KIDINS220: variants seen among roughly 807,000 people sequenced by gnomAD.
KIDINS220 encodes kinase D-interacting substrate of 220 kDa.
KIDINS220 carries 63 observed loss-of-function variants against 157.6 expected under a neutral mutation model. That is an observed-to-expected ratio of 0.40 (90% CI 0.33 to 0.49). The LOEUF is 0.49. Among genes scored for constraint, KIDINS220 ranks in the 20% least tolerant of loss-of-function variants. The pLI is 0.66. For missense variants in KIDINS220, 1,772 were observed against 2,171.2 expected, an observed-to-expected ratio of 0.82 and a Z score of 3.65; for synonymous variants, 732 against 783.6, an observed-to-expected ratio of 0.93 and a Z score of 1.10.
Position 8,789,955 on chromosome 2 carries a change from A to G in KIDINS220, c.1546T>C (p.Phe516Leu). 6.2e-7 allele frequency: 1 copy of G among 1,614,054 alleles called. No individual in the cohort carries two copies. The highest frequency in any genetic ancestry group is 1.3e-5 in the African/African-American group (1 of 75,048). Residue 516 changes from phenylalanine to leucine, a missense_variant, in exon 14 of 30, where the codon TTT (phenylalanine) becomes CTT (leucine). By Grantham distance (22) the Phe-to-Leu change is conservative. Transcript: ENST00000256707. ...LLLCGGLGLL[F>L]AFTVHPNLGI... ...AGATTTGGGTGGACCGTGAAGGCAA[A>G]CAATAAACCAAGCCCTCCACAAAGT...
intron 1 of KIDINS220, among the ~76,000 whole-genome samples, chr2:8,836,858 A>T (rs544117162): frequency 2.6e-5 from 4 of 152,220 alleles, no homozygotes; most frequent in Non-Finnish European, 5.9e-5. Flanking sequence ...TCATAAAAAA[A>T]TTTTTCATCG....
rs1165975662 is a variant in KIDINS220, at chr2:8,818,754, T to C, written c.148A>G (p.Asn50Asp). The C allele has an allele frequency of 1.2e-6, 2 of 1,610,844 alleles. No individual in the cohort carries two copies. Among genetic ancestry groups the C allele is most frequent in the Non-Finnish European group, 1.7e-6 (2 of 1,177,966 alleles). Reference sequence around the variant, plus strand: ...ATTAATTCCTTCACTATTTCCAGATTGCCTTGTTCGGCAGCTATCATCAGT... The same window carrying C: ...ATTAATTCCTTCACTATTTCCAGATCGCCTTGTTCGGCAGCTATCATCAGT... ...TPLMIAAEQG[N>D]LEIVKELIKN... The change falls in exon 3 of 30, where the codon AAT becomes GAT. Residue 50 changes from asparagine (N) to aspartate (D), a missense_variant. Asn to Asp is a conservative substitution (Grantham distance 23, BLOSUM62 1). Around this residue, in one of 3 missense-constraint regions of KIDINS220, gnomAD observed 254 missense variants for 268.6 expected, o/e 0.95. Transcript: ENST00000256707.
chr2:8,834,917 C>A (rs1337971090), intron 1 of KIDINS220, among the ~76,000 whole-genome samples: 2 of 152,334 alleles, frequency 1.3e-5, no homozygotes, highest in East Asian at 3.9e-4. Flanking sequence ...TCATAGCTCA[C>A]TGCAGACTCA....
rs766384156 is a variant in KIDINS220 at position 8,779,654 on chromosome 2, T to C, written c.2370+20A>G. The C allele has an allele frequency of 1.1e-5, 18 of 1,604,762 alleles. No individual in the cohort carries two copies. The South Asian group carries it at 1.3e-4, about 12-fold the overall frequency. On this transcript the variant is annotated intron_variant, in intron 18 of 29. Transcript: ENST00000256707. ...TGCCACAACATAACAATGGTGGCTT[T>C]TGAGGTGGCGCAAACGTACAGTGTC...
At chr2:8,724,642 T>G (rs1206779770), downstream of KIDINS220, 1 of 152,184 alleles carries the variant, frequency 6.6e-6, no homozygotes, top group Admixed American at 6.5e-5. The surrounding 1 kb of genome is among the most constrained non-coding windows in gnomAD (Gnocchi z 4.6). Flanking sequence ...TATTTATTTA[T>G]TTGAGACAGG....
chr2:8,825,711 T>A (rs965486796), intron 2 of KIDINS220: 22 of 152,338 alleles, frequency 1.4e-4, no homozygotes, highest in Admixed American at 1.3e-3. Context: ...TTCCTTAAGT[T>A]TTGTAAAACA....
chr2:8,820,166 C>T (rs892173303), intron 2 of KIDINS220, among the ~76,000 whole-genome samples: 2 of 152,160 alleles, frequency 1.3e-5, no homozygotes, highest in Non-Finnish European at 2.9e-5. Context: ...GTCTGTGCCA[C>T]CCCCGGCCTC....
chr2:8,800,273 G>A lies in KIDINS220; in HGVS notation c.900+127C>T, dbSNP rs73916009. ...GCAGTGAAACTTAGTAATAATATACGTCTGTTAAATGTACTAGGGTTTACA... is the reference window on the plus strand; with the variant it reads ...GCAGTGAAACTTAGTAATAATATACATCTGTTAAATGTACTAGGGTTTACA... On this transcript the variant is annotated intron_variant, in intron 9 of 29. Coordinates refer to ENST00000256707, the MANE Select transcript of KIDINS220 (RefSeq NM_020738.4). 6.2e-3 allele frequency: 3,391 copies of A among 544,644 alleles called. 83 individuals carry two copies. The highest frequency in any genetic ancestry group is 0.055 in the African/African-American group (2,904 of 52,878). 33.7% of individuals were successfully genotyped at this position (544,644 alleles called of 1,614,324 possible). A position where few individuals can be genotyped will look rare whatever the true frequency, so the allele number is the denominator to read the frequency against.
chr2:8,827,245 G>A (rs1468549833), intron 1 of KIDINS220, 116 bp from the exon 2 acceptor site: 1 of 502,558 alleles, frequency 2.0e-6, no homozygotes, highest in Non-Finnish European at 3.6e-6. Context: ...TGGCAGAAGT[G>A]AAGATACGAC....
At chr2:8,727,066 T>C (rs1167087063), downstream of KIDINS220, 4 of 970,042 alleles carry the variant, frequency 4.1e-6, no homozygotes, top group Non-Finnish European at 5.5e-6. Context: ...GGCTGTTGTC[T>C]ATACGTTTCT....
chr2:8,760,476 G>T (rs1668604465), intron 22 of KIDINS220, among the ~76,000 whole-genome samples: 1 of 152,106 alleles, frequency 6.6e-6, no homozygotes, highest in South Asian at 2.1e-4. Flanking sequence ...AGATACTATT[G>T]GTGATTCACC....
chr2:8,778,729 T>A lies in KIDINS220; in HGVS notation c.2615-2A>T, dbSNP rs749977611. On this transcript the variant is annotated splice_acceptor_variant, in intron 19 of 29. Transcript: ENST00000256707. LOFTEE classifies it high-confidence loss of function. ...TTCTGTCAGCATCTTCCTGTATCCC[T>A]TAAATAATTTATCAAGACAGCATCA... The A allele has an allele frequency of 1.2e-6, 2 of 1,612,852 alleles. No individual in the cohort carries two copies. The highest frequency in any genetic ancestry group is 8.5e-7 in the Non-Finnish European group (1 of 1,178,830).
At chr2:8,836,292 G>A in intron 1 of KIDINS220, among the ~76,000 whole-genome samples, 1 of 152,116 alleles carries the variant, frequency 6.6e-6, no homozygotes, top group Non-Finnish European at 1.5e-5. Flanking sequence ...GGCGAATGGG[G>A]CTTTGGCCAG....
intron 3 of KIDINS220, 80 bp downstream of exon 3, chr2:8,818,615 C>T (rs1677450194): frequency 1.3e-6 from 1 of 762,426 alleles, no homozygotes; most frequent in Non-Finnish European, 2.2e-6. Context: ...TTAATTACTA[C>T]TTTTGAATCA....
rs139810524 is a variant in KIDINS220, at chr2:8,755,468, C to T, written c.3012-3824G>A. Among the ~76,000 whole-genome samples, 3 of 152,368 alleles carry T rather than the reference C, an allele frequency of 2.0e-5. No individual in the cohort carries two copies. The East Asian group carries it at 5.8e-4, about 29-fold the overall frequency. ...TATCTCCAGTGGCCTGCACAGAATA[C>T]TGTCGCAACACTGTTGTCCAATAAA... On this transcript the variant is annotated intron_variant, in intron 22 of 29. Coordinates refer to ENST00000256707, the MANE Select transcript of KIDINS220 (RefSeq NM_020738.4).
chr2:8,823,607 C>T (rs1038163247), intron 2 of KIDINS220, among the ~76,000 whole-genome samples: 2 of 152,020 alleles, frequency 1.3e-5, no homozygotes, highest in African/African-American at 4.8e-5. Flanking sequence ...AAGCTCTATG[C>T]CAGTGCTTTA....
intron 21 of KIDINS220, among the ~76,000 whole-genome samples, chr2:8,774,623 T>C (rs545776760): frequency 3.9e-5 from 6 of 151,998 alleles, no homozygotes; most frequent in African/African-American, 1.2e-4. Flanking sequence ...GCAGAAGAAA[T>C]AGCAATTGCA....
Position 8,728,903 on chromosome 2 carries a change from AG to A in KIDINS220, c.*1816del. Reference sequence around the variant, plus strand: ...TTTTAATCAAAATGTGAATCATCATAGTGAATAAAAATTCATGAGTCAGAAT... The same window carrying A: ...TTTTAATCAAAATGTGAATCATCATATGAATAAAAATTCATGAGTCAGAAT... On this transcript the variant is annotated 3_prime_UTR_variant, in exon 30 of 30. Coordinates refer to ENST00000256707, the MANE Select transcript of KIDINS220 (RefSeq NM_020738.4). 2.0e-6 allele frequency: 2 copies of A among 982,606 alleles called. No individual in the cohort carries two copies. The highest frequency in any genetic ancestry group is 2.4e-6 in the Non-Finnish European group (2 of 826,980). 60.9% of individuals were successfully genotyped at this position (982,606 alleles called of 1,614,324 possible).
intron 2 of KIDINS220, among the ~76,000 whole-genome samples, chr2:8,819,740 G>A (rs576898118): frequency 2.0e-5 from 3 of 152,140 alleles, no homozygotes; most frequent in Non-Finnish European, 2.9e-5. Flanking sequence ...CATGAGAATC[G>A]CTGGAACCTG....
Sources: gnomAD v4.1 joint callset for allele counts (sites outside exome capture counted in the v4.1 genomes callset) on GRCh38, gnomAD v4.1.1 for gene constraint, gnomAD v4.1.1 regional missense constraint, Gnocchi (gnomAD v3.1) non-coding constraint, MANE v1.5 for transcripts, NCBI Gene and HGNC (gene_info 2026-07-23, HGNC 2026-07-21) for gene names.